The following ANKRD13A variants were observed in gnomAD, a reference collection of about 807,000 sequenced individuals.
ANKRD13A encodes the protein ankyrin repeat domain 13A.
Under a neutral mutation model 81.3 loss-of-function variants are expected in ANKRD13A, and 48 were observed. The ratio of observed to expected loss-of-function variants is 0.59; its 90% CI spans 0.47 to 0.75. The LOEUF (loss-of-function observed/expected upper bound fraction) is 0.75. Ranked by LOEUF, ANKRD13A falls within the 30% of genes least tolerant of loss-of-function variation. The pLI is 0.00. For synonymous variants in ANKRD13A, 230 were observed against 270.1 expected (o/e 0.85, Z 1.45); for missense variants, 612 against 734.0 (o/e 0.83, Z 1.92).
intron 3 of ANKRD13A, among the ~76,000 whole-genome samples, chr12:110,013,973 T>TTAAG: frequency 6.6e-6 from 1 of 152,172 alleles, no homozygotes; most frequent in Non-Finnish European, 1.5e-5. Context: ...TCAGATTCTG[T>TTAAG]TAAGGCTCAG....
chr12:110,031,458 T>A (rs987271900), intron 12 of ANKRD13A, among the ~76,000 whole-genome samples: 20 of 152,150 alleles, frequency 1.3e-4, no homozygotes, highest in African/African-American at 4.8e-4. Flanking sequence ...CTCAAGCGAT[T>A]TTCTTGCCTA....
At chr12:109,999,260 A>C (rs1455068410), upstream of ANKRD13A, 1 of 152,152 alleles carries the variant, frequency 6.6e-6, no homozygotes, top group Non-Finnish European at 1.5e-5. The surrounding 1 kb of genome is among the most constrained non-coding windows in gnomAD (Gnocchi z 4.3). Flanking sequence ...TCTTTGGCCA[A>C]GAGAATGAGC....
intron 7 of ANKRD13A, 72 bp downstream of exon 7, chr12:110,024,184 A>AT: frequency 4.4e-6 from 6 of 1,351,352 alleles, no homozygotes; most frequent in East Asian, 2.3e-5. Flanking sequence ...ATCTGTTCCC[A>AT]TTTTTTTCAT....
At chr12:110,021,940 G>C (rs1324415096) in intron 6 of ANKRD13A, 1 of 151,824 alleles carries the variant, frequency 6.6e-6, no homozygotes, top group Non-Finnish European at 1.5e-5. Flanking sequence ...TCCTGATTGT[G>C]TAGCAACCAC....
intron 1 of ANKRD13A, among the ~76,000 whole-genome samples, chr12:110,005,974 G>A (rs1050406285): frequency 8.6e-5 from 13 of 151,964 alleles, no homozygotes; most frequent in African/African-American, 3.1e-4. Flanking sequence ...GCACCACCAC[G>A]CCTGGCTAAT....
At chr12:110,020,412 T>C (rs1019030993) in intron 6 of ANKRD13A, among the ~76,000 whole-genome samples, 4 of 152,264 alleles carry the variant, frequency 2.6e-5, no homozygotes, top group African/African-American at 9.6e-5. Context: ...TAAGTATCCT[T>C]TTCTTCTAAT....
rs1256070518 is a variant in ANKRD13A, at chr12:110,019,217, T to G, written c.623T>G (p.Met208Arg). 6.8e-6 allele frequency: 11 copies of G among 1,614,006 alleles called. No individual in the cohort carries two copies. The highest frequency in any genetic ancestry group is 9.3e-6 in the Non-Finnish European group (11 of 1,179,894). The change falls in exon 6 of 15, where the codon ATG (methionine) becomes AGG (arginine). Residue 208 changes from methionine (M) to arginine (R), a missense_variant. Coordinates refer to ENST00000261739, the MANE Select transcript of ANKRD13A (RefSeq NM_033121.2). ...GAACGCTTCGACCTTTCCCAAGAAA[T>G]GGAGCGCCTCACTCTGGACTTGATG... is the stretch of plus-strand genomic sequence containing the variant. ...TTERFDLSQE[M>R]ERLTLDLMKP...
At chr12:110,005,812 A>G (rs1027368716) in intron 1 of ANKRD13A, among the ~76,000 whole-genome samples, 2 of 151,854 alleles carry the variant, frequency 1.3e-5, no homozygotes, top group Non-Finnish European at 2.9e-5. Context: ...ATTTGTGTAT[A>G]TGTTTTTGTG....
chr12:110,029,446 G>A, intron 10 of ANKRD13A, 32 bp from the exon 11 acceptor site: 2 of 1,598,184 alleles, frequency 1.3e-6, no homozygotes, highest in East Asian at 2.3e-5. Context: ...TGGTGGAGAT[G>A]ACCTCAGTCT....
rs1418871824 is a variant in ANKRD13A at position 110,037,571 on chromosome 12, G to A, written c.*17G>A. 1.9e-6 allele frequency: 3 copies of A among 1,608,702 alleles called. No individual in the cohort carries two copies. The highest frequency in any genetic ancestry group is 1.7e-5 in the Admixed American group (1 of 59,764). ...GACAAATAGACCTTTCAGCCTGTGA[G>A]CCTCTGCACAAAGCAGAGGCTGTGG... On this transcript the variant is annotated 3_prime_UTR_variant, in exon 15 of 15. Coordinates refer to ENST00000261739, the MANE Select transcript of ANKRD13A (RefSeq NM_033121.2).
intron 12 of ANKRD13A, chr12:110,032,420 A>G (rs939003135): frequency 6.6e-6 from 1 of 152,218 alleles, no homozygotes; most frequent in African/African-American, 2.4e-5. Flanking sequence ...ACTCGACAAT[A>G]ATATACACCT....
rs1054539662 is a variant in ANKRD13A, at chr12:110,009,296, G to C, written c.97-2709G>C. Reference sequence around the variant, plus strand: ...GGGTTTCTCCATGTTGGTCAGGCTGGTCTCGAACTCCCGACCTCTAGTGAT... The same window carrying C: ...GGGTTTCTCCATGTTGGTCAGGCTGCTCTCGAACTCCCGACCTCTAGTGAT... On this transcript the variant is annotated intron_variant, in intron 1 of 14. Coordinates refer to ENST00000261739, the MANE Select transcript of ANKRD13A (RefSeq NM_033121.2). Among the ~76,000 whole-genome samples, 6 of 152,076 alleles carry C rather than the reference G, an allele frequency of 3.9e-5. 1 individual carries two copies. Among genetic ancestry groups the C allele is most frequent in the African/African-American group, 1.4e-4 (6 of 41,410 alleles).
chr12:110,001,217 C>T (rs1481767681), intron 1 of ANKRD13A, among the ~76,000 whole-genome samples: 1 of 151,576 alleles, frequency 6.6e-6, no homozygotes, highest in Non-Finnish European at 1.5e-5. Flanking sequence ...CAGTGTCTTA[C>T]AGACCTGGTT....
chr12:110,029,695 C>A, intron 11 of ANKRD13A, 60 bp downstream of exon 11: 1 of 1,581,850 alleles, frequency 6.3e-7, no homozygotes, highest in Non-Finnish European at 8.7e-7. Flanking sequence ...TGGGTGGCAG[C>A]ATGTGGGTGG....
chr12:110,026,302 G>A (rs1048260030), intron 8 of ANKRD13A, among the ~76,000 whole-genome samples: 15 of 150,212 alleles, frequency 1.0e-4, no homozygotes, highest in Admixed American at 3.3e-4. Context: ...GGCCAGGCAC[G>A]GTGGCTCATG....
At chr12:110,004,164 A>T (rs1342025961) in intron 1 of ANKRD13A, among the ~76,000 whole-genome samples, 1 of 152,060 alleles carries the variant, frequency 6.6e-6, no homozygotes, top group Non-Finnish European at 1.5e-5. Context: ...TCTCAAAAAA[A>T]AAATAAATTT....
chr12:110,028,307 A>G, intron 9 of ANKRD13A: 2 of 490,486 alleles, frequency 4.1e-6, no homozygotes, highest in Non-Finnish European at 7.2e-6. Flanking sequence ...GTAGAGAAAT[A>G]TTTTAAAATG....
At chr12:110,004,053 G>A (rs1244351856) in intron 1 of ANKRD13A, among the ~76,000 whole-genome samples, 4 of 152,100 alleles carry the variant, frequency 2.6e-5, no homozygotes, top group African/African-American at 9.7e-5. Context: ...AGCTACTTGG[G>A]AGGCTGAGGT....
At chr12:110,024,013 A>C (rs1374600760) in intron 6 of ANKRD13A, 33 bp from the exon 7 acceptor site, 1 of 1,597,172 alleles carries the variant, frequency 6.3e-7, no homozygotes, top group African/African-American at 1.3e-5. Context: ...CATATTGTAC[A>C]TGTAGAAATT....
Sources: allele counts gnomAD v4.1 joint callset (sites outside exome capture counted in the v4.1 genomes callset), GRCh38; gene constraint gnomAD v4.1.1; non-coding constraint Gnocchi (gnomAD v3.1); transcripts MANE v1.5; gene names NCBI Gene and HGNC (gene_info 2026-07-23, HGNC 2026-07-21).